Variants in ENOX1 observed in about 807,000 individuals in gnomAD.
The protein encoded by ENOX1 is ecto-NOX disulfide-thiol exchanger 1.
Under a neutral mutation model 82.5 loss-of-function variants are expected in ENOX1, and 42 were observed. That is an observed-to-expected ratio of 0.51 (90% CI 0.40 to 0.66). ENOX1 has a LOEUF of 0.66. Among genes scored for constraint, ENOX1 ranks in the 30% least tolerant of loss-of-function variants. The pLI, the probability that ENOX1 is intolerant of heterozygous loss-of-function variation, is 0.00. For missense variants in ENOX1, 608 were observed against 811.6 expected, an observed-to-expected ratio of 0.75 and a Z score of 3.05; for synonymous variants, 271 against 282.2, an observed-to-expected ratio of 0.96 and a Z score of 0.40.
At chr13:43,416,027 G>C (rs1245178384) in intron 3 of ENOX1, among the ~76,000 whole-genome samples, 1 of 150,026 alleles carries the variant, frequency 6.7e-6, no homozygotes, top group Non-Finnish European at 1.5e-5. Context: ...CAGCCGGGCA[G>C]AGGCGCTCCT....
intron 3 of ENOX1, among the ~76,000 whole-genome samples, chr13:43,480,684 A>G (rs556160327): frequency 1.3e-5 from 2 of 152,324 alleles, no homozygotes; most frequent in Middle Eastern, 3.4e-3. Flanking sequence ...CTGATATCAC[A>G]GAAATAAAAA....
intron 5 of ENOX1, among the ~76,000 whole-genome samples, chr13:43,393,039 G>T (rs2052894841): frequency 6.6e-6 from 1 of 152,134 alleles, no homozygotes; most frequent in African/African-American, 2.4e-5. Context: ...GCATAGCTCT[G>T]TGGGCATTTC....
intron 2 of ENOX1, among the ~76,000 whole-genome samples, chr13:43,588,881 T>C (rs957568412): frequency 6.6e-6 from 1 of 152,192 alleles, no homozygotes; most frequent in South Asian, 2.1e-4. Flanking sequence ...TTTTCAATTA[T>C]CAAGTCTTGG....
At chr13:43,350,098 A>G (rs1290646554) in intron 8 of ENOX1, among the ~76,000 whole-genome samples, 3 of 152,254 alleles carry the variant, frequency 2.0e-5, no homozygotes, top group Non-Finnish European at 2.9e-5. Context: ...AAATTGTGGC[A>G]AACTGATAAC....
chr13:43,451,003 TA>T (rs1390435973), intron 3 of ENOX1, among the ~76,000 whole-genome samples: 19 of 152,200 alleles, frequency 1.2e-4, no homozygotes, highest in Non-Finnish European at 2.1e-4. Flanking sequence ...GGTATTTTGT[TA>T]AACTGCAGAT....
rs1022291141 is a variant in ENOX1 at position 43,397,123 on chromosome 13, T to G, written c.208+14793A>C. Among the ~76,000 whole-genome samples the G allele has an allele frequency of 5.9e-5, 9 of 152,316 alleles. No individual in the cohort carries two copies. The East Asian group carries it at 1.7e-3, about 29-fold the overall frequency. ...CCCTGCAGAATCTCTGGCATGCCCCTCTCTTGGCGAAGCCCCAGCAAGGAT... is the reference window on the plus strand; with the variant it reads ...CCCTGCAGAATCTCTGGCATGCCCCGCTCTTGGCGAAGCCCCAGCAAGGAT... On this transcript the variant is annotated intron_variant, in intron 5 of 16. Transcript: ENST00000690772.
intron 1 of ENOX1, among the ~76,000 whole-genome samples, chr13:43,670,291 T>C (rs893294504): frequency 1.3e-5 from 2 of 152,232 alleles, no homozygotes; most frequent in African/African-American, 4.8e-5. Flanking sequence ...GGCTGTGATA[T>C]GGCAATCTTG....
intron 3 of ENOX1, among the ~76,000 whole-genome samples, chr13:43,417,695 A>T (rs2054708417): frequency 6.6e-6 from 1 of 152,148 alleles, no homozygotes; most frequent in Non-Finnish European, 1.5e-5. Context: ...CTAATAAAGC[A>T]CTCTGAATAC....
At chr13:43,726,805 G>C (rs547258172) in intron 1 of ENOX1, among the ~76,000 whole-genome samples, 1 of 151,992 alleles carries the variant, frequency 6.6e-6, no homozygotes, top group South Asian at 2.1e-4. Context: ...TCAGTGGTGT[G>C]ATCTCAGCTC....
At chr13:43,661,640 T>C (rs936268433) in intron 2 of ENOX1, among the ~76,000 whole-genome samples, 2 of 152,180 alleles carry the variant, frequency 1.3e-5, no homozygotes, top group South Asian at 2.1e-4. Context: ...TCCAAAGTCA[T>C]GTGAAGCTGG....
intron 2 of ENOX1, among the ~76,000 whole-genome samples, chr13:43,641,117 C>T (rs2083629226): frequency 6.6e-6 from 1 of 152,052 alleles, no homozygotes. Flanking sequence ...AAATATACAT[C>T]AAATATTTAA....
At chr13:43,256,325 T>C (rs1455246639) in intron 14 of ENOX1, among the ~76,000 whole-genome samples, 4 of 151,984 alleles carry the variant, frequency 2.6e-5, no homozygotes, top group Non-Finnish European at 5.9e-5. Flanking sequence ...AGCTAAAAAG[T>C]ATTTGCACAG....
At chr13:43,629,400 A>G (rs939542369) in intron 2 of ENOX1, among the ~76,000 whole-genome samples, 2 of 152,190 alleles carry the variant, frequency 1.3e-5, no homozygotes, top group African/African-American at 4.8e-5. Flanking sequence ...AGTCTTGGAT[A>G]TGTAAGATAA....
At chr13:43,583,214 A>T (rs1349630853) in intron 2 of ENOX1, among the ~76,000 whole-genome samples, 1 of 152,252 alleles carries the variant, frequency 6.6e-6, no homozygotes, top group African/African-American at 2.4e-5. Flanking sequence ...AAAATTATGG[A>T]GCAAACTCAT....
intron 2 of ENOX1, among the ~76,000 whole-genome samples, chr13:43,615,740 C>A (rs1042417867): frequency 6.6e-6 from 1 of 151,986 alleles, no homozygotes; most frequent in Non-Finnish European, 1.5e-5. Context: ...TATCCCTCCC[C>A]TAGCCCCTCA....
intron 3 of ENOX1, among the ~76,000 whole-genome samples, chr13:43,443,248 T>C (rs1424954801): frequency 6.6e-6 from 1 of 152,206 alleles, no homozygotes; most frequent in Non-Finnish European, 1.5e-5. Flanking sequence ...TCAATTCGGA[T>C]GTGGGGAGCA....
At chr13:43,468,941 G>GTA (rs567296038) in intron 3 of ENOX1, among the ~76,000 whole-genome samples, 7 of 152,068 alleles carry the variant, frequency 4.6e-5, no homozygotes, top group Non-Finnish European at 1.0e-4. Flanking sequence ...ACTGGTCTTT[G>GTA]TATATTGATT....
chr13:43,355,280 TA>T lies in ENOX1; in HGVS notation c.823+638del, dbSNP rs2050075520. Among the ~76,000 whole-genome samples, 3 of 152,306 alleles carry T rather than the reference TA, an allele frequency of 2.0e-5. No homozygotes were observed. The South Asian group carries it at 6.2e-4, about 32-fold the overall frequency. ...TCCTATGTCTTTATTTCCCACAGCATAAAACACCAGGGAGGGCCTCAGAAAA... is the reference window on the plus strand; with the variant it reads ...TCCTATGTCTTTATTTCCCACAGCATAAACACCAGGGAGGGCCTCAGAAAA... On this transcript the variant is annotated intron_variant, in intron 8 of 16. Transcript: ENST00000690772.
chr13:43,437,672 G>C (rs934508385), intron 3 of ENOX1, among the ~76,000 whole-genome samples: 5 of 152,172 alleles, frequency 3.3e-5, no homozygotes, highest in African/African-American at 7.2e-5. Context: ...AATGGACTTA[G>C]TGCCAATGGT....
Sources: gnomAD v4.1 joint callset for allele counts (sites outside exome capture counted in the v4.1 genomes callset) on GRCh38, gnomAD v4.1.1 for gene constraint, MANE v1.5 for transcripts, NCBI Gene and HGNC (gene_info 2026-07-23, HGNC 2026-07-21) for gene names.